Variants in CCDC22 observed in about 807,000 individuals in gnomAD.
The protein encoded by CCDC22 is CCC complex scaffolding subunit CCDC22.
In CCDC22, 4 loss-of-function variants were observed where a neutral mutation model predicts 53.1. The observed-to-expected ratio is 0.08, with a 90% CI of 0.04 to 0.17. The LOEUF (loss-of-function observed/expected upper bound fraction) is 0.17, where lower values mean the gene tolerates loss of function less well. Among genes scored for constraint, CCDC22 ranks in the 10% least tolerant of loss-of-function variants. The pLI is 1.00. For synonymous variants in CCDC22, 222 were observed against 224.4 expected, an observed-to-expected ratio of 0.99 and a Z score of 0.10; for missense variants, 458 against 554.0, an observed-to-expected ratio of 0.83 and a Z score of 1.74.
At chrX:49,235,867 A>ACG (rs1356651217) in intron 1 of CCDC22, among the ~76,000 whole-genome samples, 181 bp downstream of exon 1, 2 of 104,431 alleles carry the variant, frequency 1.9e-5, no homozygotes, top group African/African-American at 3.5e-5. Context: ...ACACACACGC[A>ACG]CACACACACC....
At position 49,246,714 on chromosome X, in the gene CCDC22, C is replaced by T; in HGVS notation, c.715-17C>T. ...GGGCCCCTACACCTTCCTGCTTCCCCCGCCTTTTCTCCCCAGGAGGACACA... is the reference window on the plus strand; with the variant it reads ...GGGCCCCTACACCTTCCTGCTTCCCTCGCCTTTTCTCCCCAGGAGGACACA... On this transcript the variant is annotated splice_polypyrimidine_tract_variant and intron_variant, in intron 6 of 16. Transcript: ENST00000376227. 2.7e-6 allele frequency: 3 copies of T among 1,119,736 alleles called. No homozygotes were observed. Among genetic ancestry groups the T allele is most frequent in the East Asian group, 3.2e-5 (1 of 31,585 alleles). The allele number at this position is 1,119,736 out of a possible 1,213,427, so 92.3% of individuals were successfully genotyped here. A position where few individuals can be genotyped will look rare whatever the true frequency, so the allele number is the denominator to read the frequency against.
Position 49,243,330 on chromosome X carries a change from C to T in CCDC22, c.582C>T (p.Thr194=), listed in dbSNP as rs782546800. 8.3e-7 allele frequency: 1 copy of T among 1,204,523 alleles called. No homozygotes were observed. The highest frequency in any genetic ancestry group is 1.8e-5 in the South Asian group (1 of 55,683). The part of the protein sequence containing the change: ...QASPLLLPVP[T]QVPQPVGRVA... ...GTCCCCTGCTGCTTCCAGTCCCTAC[C>T]CAGGTGCCTCAGCCTGTTGGAAGGG... is the stretch of plus-strand genomic sequence containing the variant. Residue 194 remains threonine, a synonymous_variant, in exon 6 of 17, where the codon ACC becomes ACT. Transcript: ENST00000376227.
chrX:49,236,500 G>A (rs1315751087), intron 1 of CCDC22, among the ~76,000 whole-genome samples: 1 of 110,787 alleles, frequency 9.0e-6, no homozygotes, highest in Non-Finnish European at 1.9e-5. Flanking sequence ...GAGCCACCAC[G>A]CCCAGCCAAA....
Position 49,249,527 on chromosome X carries a change from G to A in CCDC22, c.1654G>A (p.Ala552Thr), listed in dbSNP as rs1276189554. The A allele has an allele frequency of 8.3e-7, 1 of 1,204,060 alleles. No individual in the cohort carries two copies. Among genetic ancestry groups the A allele is most frequent in the African/African-American group, 1.8e-5 (1 of 55,413 alleles). ...TGGTCAGGATGCCAAGAAGGACGAT[G>A]CTGTTCGGAAGGCCTATAAGTATCT... ...LVFKDAKKDD[A>T]VRKAYKYLAA... The change falls in exon 15 of 17, where the codon GCT becomes ACT. Residue 552 changes from alanine to threonine, a missense_variant. This residue lies in a region of CCDC22 where 48 missense variants were observed against 83.4 expected (regional missense o/e 0.58). Transcript: ENST00000376227.
intron 6 of CCDC22, 117 bp from the exon 7 acceptor site, chrX:49,246,614 T>G: frequency 1.7e-6 from 1 of 589,594 alleles, no homozygotes; most frequent in Non-Finnish European, 2.6e-6. Context: ...GTGGGAAGGC[T>G]GGAGGGTGGG....
chrX:49,242,647 C>T (rs1207151154), intron 3 of CCDC22, among the ~76,000 whole-genome samples: 3 of 111,051 alleles, frequency 2.7e-5, no homozygotes, highest in Non-Finnish European at 5.7e-5. Flanking sequence ...GCTAGCTTGC[C>T]GGCTCCCTGA....
rs1557112813 is a variant in CCDC22 at position 49,237,088 on chromosome X, C to A, written c.53C>A (p.Ala18Glu). The A allele has an allele frequency of 2.5e-6, 3 of 1,206,353 alleles. No individual in the cohort carries two copies. The African/African-American group carries it at 5.2e-5, about 21-fold the overall frequency. ...ATCAAGCTGGTCCCCTTCTTCAGGG[C>A]AGTTCCTCCAGATGTGCAGACCTTG... is the stretch of plus-strand genomic sequence containing the variant. ...LIHSLRQAGT[A>E]VPPDVQTLRA... Residue 18 changes from alanine (A) to glutamate (E), a missense_variant and splice_region_variant, in exon 2 of 17, where the codon GCA (alanine) becomes GAA (glutamate). Around this residue, in one of 4 missense-constraint regions of CCDC22, gnomAD observed 55 missense variants for 106.0 expected, o/e 0.52. Coordinates refer to ENST00000376227, the MANE Select transcript of CCDC22 (RefSeq NM_014008.5).
intron 2 of CCDC22, among the ~76,000 whole-genome samples, chrX:49,238,075 C>CT (rs58787414): frequency 0.076 from 6,392 of 84,336 alleles, 760 homozygotes; most frequent in African/African-American, 0.26. Flanking sequence ...TTCTTTTTTT[C>CT]TTTTTTTTTT....
intron 6 of CCDC22, 151 bp downstream of exon 6, chrX:49,243,613 A>G: frequency 2.1e-6 from 1 of 479,044 alleles, no homozygotes; most frequent in Non-Finnish European, 3.4e-6. Context: ...AGAACACTGG[A>G]GTCAGAAAAA....
chrX:49,243,363 G>A lies in CCDC22; in HGVS notation c.615G>A (p.Ser205=), dbSNP rs150796681. Residue 205 remains serine (S), a synonymous_variant, in exon 6 of 17, where the codon TCG becomes TCA. Coordinates refer to ENST00000376227, the MANE Select transcript of CCDC22 (RefSeq NM_014008.5). ...QVPQPVGRVA[S]LLEHHALQLC... is the part of the protein sequence containing the mutation. The stretch of plus-strand genomic sequence containing the variant: ...CTCAGCCTGTTGGAAGGGTGGCCTC[G>A]CTCCTCGAACACCATGCCCTGCAGC... The A allele has an allele frequency of 1.1e-4, 128 of 1,203,047 alleles. No homozygotes were observed. The Middle Eastern group carries it at 2.5e-3, about 24-fold the overall frequency.
chrX:49,248,055 A>G (rs2065999959), intron 9 of CCDC22, 136 bp from the exon 10 acceptor site: 14 of 1,090,660 alleles, frequency 1.3e-5, no homozygotes, highest in Non-Finnish European at 1.6e-5. Flanking sequence ...CTGCATGGAC[A>G]GGGGATTAGG....
Position 49,246,642 on chromosome X carries a change from C to T in CCDC22, c.715-89C>T, listed in dbSNP as rs971890362. The T allele has an allele frequency of 6.0e-6, 5 of 836,437 alleles. No individual in the cohort carries two copies. The East Asian group carries it at 1.8e-4, about 29-fold the overall frequency. 68.9% of individuals were successfully genotyped at this position (836,437 alleles called of 1,213,427 possible). On this transcript the variant is annotated intron_variant, in intron 6 of 16. Transcript: ENST00000376227. ...AGGGTGGGGGTGACTTGTCAGTATA[C>T]TCTTGTCAGGGGGTCCTTGGAGGAG...
At position 49,235,826 on chromosome X, in the gene CCDC22, T is replaced by TACACACACACAC. The variant is rs797042658; in HGVS notation, c.50+167_50+178dup. Reference sequence around the variant, plus strand: ...CAGGATCCTAAGACCCTCACCCCCTTACACACACACACACACACACACACA... The same window carrying TACACACACACAC: ...CAGGATCCTAAGACCCTCACCCCCTTACACACACACACACACACACACACACACACACACACA... On this transcript the variant is annotated intron_variant, in intron 1 of 16. Transcript: ENST00000376227. 312 of 243,262 alleles carry TACACACACACAC rather than the reference T, an allele frequency of 1.3e-3. 3 individuals are homozygous for TACACACACACAC. The highest frequency in any genetic ancestry group is 0.012 in the African/African-American group (263 of 22,356). 20.0% of individuals were successfully genotyped at this position (243,262 alleles called of 1,213,427 possible). A position where few individuals can be genotyped will look rare whatever the true frequency, so the allele number is the denominator to read the frequency against.
chrX:49,235,826 TACACACACACACACAC>T lies in CCDC22; in HGVS notation c.50+163_50+178del, dbSNP rs797042658. ...CAGGATCCTAAGACCCTCACCCCCT[TACACACACACACACAC>T]ACACACACACACACACACACACGCA... On this transcript the variant is annotated intron_variant, in intron 1 of 16. Coordinates refer to ENST00000376227, the MANE Select transcript of CCDC22 (RefSeq NM_014008.5). 7.8e-5 allele frequency: 19 copies of T among 243,280 alleles called. 1 individual carries two copies. The highest frequency in any genetic ancestry group is 3.6e-4 in the South Asian group (7 of 19,199). The allele number at this position is 243,280 out of a possible 1,213,427, so 20.0% of individuals were successfully genotyped here.
intron 3 of CCDC22, chrX:49,242,397 G>A (rs2050091629): frequency 1.5e-6 from 1 of 686,819 alleles, no homozygotes; most frequent in Admixed American, 8.9e-5. Context: ...CTCAACCCCT[G>A]TGCCCTCCCT....
chrX:49,237,324 G>A (rs1451840799), intron 2 of CCDC22, 61 bp downstream of exon 2: 1 of 1,057,229 alleles, frequency 9.5e-7, no homozygotes. Flanking sequence ...AAGTAACCAA[G>A]TTCCTTTGCA....
intron 16 of CCDC22, 27 bp downstream of exon 16, chrX:49,249,752 C>A: frequency 2.4e-5 from 27 of 1,127,735 alleles, no homozygotes; most frequent in Non-Finnish European, 3.3e-5. Flanking sequence ...GGATGGGGAG[C>A]CAAGGCGGGC....
At chrX:49,237,405 C>T (rs1475885839) in intron 2 of CCDC22, 142 bp downstream of exon 2, 7 of 588,116 alleles carry the variant, frequency 1.2e-5, no homozygotes, top group African/African-American at 1.1e-4. Context: ...ATTTTTCCTG[C>T]GGCTTAGTTT....
chrX:49,237,290 C>T, intron 2 of CCDC22, 27 bp downstream of exon 2: 1 of 1,158,383 alleles, frequency 8.6e-7, no homozygotes, highest in Non-Finnish European at 1.2e-6. Context: ...CTAATGCACA[C>T]ATCCTCTTTC....
Sources: gnomAD v4.1 joint callset for allele counts (sites outside exome capture counted in the v4.1 genomes callset) on GRCh38, gnomAD v4.1.1 for gene constraint, gnomAD v4.1.1 regional missense constraint, MANE v1.5 for transcripts, NCBI Gene and HGNC (gene_info 2026-07-23, HGNC 2026-07-21) for gene names.